Variants in MBD2 observed in about 807,000 individuals in gnomAD.
MBD2 encodes the protein methyl-CpG binding domain protein 2, also known as methyl-CpG-binding domain protein 2.
A neutral mutation model predicts 39.3 loss-of-function variants in MBD2; 9 were observed. That is an observed-to-expected ratio of 0.23 (90% CI 0.14 to 0.40). The LOEUF is 0.40. Ranked by LOEUF, MBD2 falls within the 10% of genes least tolerant of loss-of-function variation. The pLI is 1.00. For missense variants in MBD2, 458 were observed against 532.6 expected, an observed-to-expected ratio of 0.86 and a Z score of 1.38; for synonymous variants, 233 against 211.1, an observed-to-expected ratio of 1.10 and a Z score of -0.90.
intron 2 of MBD2, among the ~76,000 whole-genome samples, chr18:54,198,916 A>C (rs2086385967): frequency 6.6e-6 from 1 of 152,156 alleles, no homozygotes; most frequent in Admixed American, 6.5e-5. Context: ...TTCTCATTCA[A>C]GCTTCTTAAG....
At chr18:54,181,379 A>T (rs2086250938) in intron 3 of MBD2, among the ~76,000 whole-genome samples, 1 of 152,206 alleles carries the variant, frequency 6.6e-6, no homozygotes, top group Non-Finnish European at 1.5e-5. Flanking sequence ...TATTATTTTT[A>T]AAAAATATTG....
chr18:54,159,229 C>A (rs1380710834), intron 6 of MBD2, among the ~76,000 whole-genome samples: 1 of 152,126 alleles, frequency 6.6e-6, no homozygotes, highest in Non-Finnish European at 1.5e-5. Flanking sequence ...GAGACTAGAT[C>A]CCTTGCAAGT....
chr18:54,189,609 A>G (rs932626135), intron 2 of MBD2, among the ~76,000 whole-genome samples: 4 of 152,164 alleles, frequency 2.6e-5, no homozygotes, highest in African/African-American at 9.7e-5. Flanking sequence ...TTAAATGAAC[A>G]AATATGTTTA....
intron 1 of MBD2, among the ~76,000 whole-genome samples, chr18:54,209,318 A>C (rs1051649917): frequency 2.8e-5 from 4 of 143,764 alleles, no homozygotes; most frequent in Admixed American, 1.4e-4. Flanking sequence ...AAAAAAAAAA[A>C]AAGGAAGGTA....
At chr18:54,162,385 G>A (rs1483206398) in intron 5 of MBD2, among the ~76,000 whole-genome samples, 1 of 152,190 alleles carries the variant, frequency 6.6e-6, no homozygotes, top group African/African-American at 2.4e-5. Flanking sequence ...TACCCAATTA[G>A]GTAAAGAGTA....
intron 3 of MBD2, among the ~76,000 whole-genome samples, chr18:54,185,361 AAT>A (rs2144307017): frequency 6.6e-6 from 1 of 152,294 alleles, no homozygotes; most frequent in East Asian, 1.9e-4. Context: ...TTCTATAAGA[AAT>A]GAAATTACTA....
chr18:54,166,903 A>G (rs1467548808), intron 3 of MBD2, among the ~76,000 whole-genome samples: 2 of 152,190 alleles, frequency 1.3e-5, no homozygotes, highest in Non-Finnish European at 2.9e-5. Context: ...TTTATTTTAT[A>G]TCCTTTTCAT....
intron 2 of MBD2, among the ~76,000 whole-genome samples, chr18:54,192,164 C>T (rs1050380353): frequency 6.6e-6 from 1 of 152,214 alleles, no homozygotes; most frequent in Non-Finnish European, 1.5e-5. Context: ...CACATAAATG[C>T]TTACAGGGAA....
At chr18:54,172,089 T>C (rs1340655111) in intron 3 of MBD2, among the ~76,000 whole-genome samples, 1 of 152,226 alleles carries the variant, frequency 6.6e-6, no homozygotes, top group Non-Finnish European at 1.5e-5. Context: ...ATTTAACTCC[T>C]AAGTAATAGA....
At chr18:54,177,557 T>C (rs1325283908) in intron 3 of MBD2, among the ~76,000 whole-genome samples, 1 of 152,042 alleles carries the variant, frequency 6.6e-6, no homozygotes, top group Non-Finnish European at 1.5e-5. Context: ...CTCGGCTCAC[T>C]GCAAGCTCCG....
At chr18:54,209,297 CAAAAAAAAAAAAA>C (rs34165824) in intron 1 of MBD2, among the ~76,000 whole-genome samples, 9 of 67,626 alleles carry the variant, frequency 1.3e-4, no homozygotes, top group South Asian at 4.3e-4. Flanking sequence ...ACTCCATCTC[CAAAAAAAAAAAAA>C]AAAAAAAAAA....
At chr18:54,220,216 A>G (rs945470687) in intron 1 of MBD2, among the ~76,000 whole-genome samples, 22 of 152,206 alleles carry the variant, frequency 1.4e-4, no homozygotes, top group African/African-American at 5.1e-4. Flanking sequence ...AAATGACAGG[A>G]GTCAAGTAGA....
chr18:54,184,257 C>T (rs2086269122), intron 3 of MBD2, among the ~76,000 whole-genome samples: 1 of 152,030 alleles, frequency 6.6e-6, no homozygotes, highest in African/African-American at 2.4e-5. Context: ...GTAAGCATTA[C>T]CACCTGGGCT....
In MBD2 at chr18:54,224,011, G is replaced by C; in HGVS notation, c.542+7C>G. On this transcript the variant is annotated splice_region_variant and intron_variant, in intron 1 of 6. Coordinates refer to ENST00000256429, the MANE Select transcript of MBD2 (RefSeq NM_003927.5). ...CCGCCACCCCCTCCCCGCCCCCAGG[G>C]AGGTACCTGAAGTAGTAGACATCGC... 6.3e-7 allele frequency: 1 copy of C among 1,598,836 alleles called. No individual in the cohort carries two copies. The highest frequency in any genetic ancestry group is 8.5e-7 in the Non-Finnish European group (1 of 1,173,304).
chr18:54,203,233 G>T, intron 2 of MBD2: 1 of 1,173,532 alleles, frequency 8.5e-7, no homozygotes, highest in Non-Finnish European at 1.2e-6. Context: ...TAACAGTACA[G>T]TAATCTAAAA....
intron 2 of MBD2, among the ~76,000 whole-genome samples, chr18:54,204,546 G>A (rs1336438042): frequency 6.6e-6 from 1 of 152,056 alleles, no homozygotes; most frequent in Non-Finnish European, 1.5e-5. Flanking sequence ...CATAGAATTA[G>A]GATATTATTC....
intron 2 of MBD2, among the ~76,000 whole-genome samples, chr18:54,190,250 T>C (rs983516099): frequency 6.6e-6 from 1 of 152,068 alleles, no homozygotes; most frequent in African/African-American, 2.4e-5. Flanking sequence ...GTTATAACGA[T>C]GAGAAAAAAA....
intron 2 of MBD2, among the ~76,000 whole-genome samples, chr18:54,189,514 G>A (rs983325093): frequency 2.6e-5 from 4 of 151,850 alleles, no homozygotes; most frequent in African/African-American, 4.8e-5. Context: ...GAGCCACCGC[G>A]CCCGGCCAGC....
intron 2 of MBD2, among the ~76,000 whole-genome samples, chr18:54,199,345 G>T (rs1395334071): frequency 6.6e-6 from 1 of 152,176 alleles, no homozygotes; most frequent in Admixed American, 6.5e-5. Context: ...CCAGGTTGTT[G>T]TAACACCACA....
Sources: gnomAD v4.1 joint callset for allele counts (sites outside exome capture counted in the v4.1 genomes callset) on GRCh38, gnomAD v4.1.1 for gene constraint, MANE v1.5 for transcripts, NCBI Gene and HGNC (gene_info 2026-07-23, HGNC 2026-07-21) for gene names.